The following OPCML variants were observed in gnomAD, a reference collection of about 807,000 sequenced individuals.
The protein encoded by OPCML is opioid-binding protein/cell adhesion molecule.
OPCML carries 13 observed loss-of-function variants against 37.8 expected under a neutral mutation model. The ratio of observed to expected loss-of-function variants is 0.34; its 90% confidence interval spans 0.22 to 0.55. The LOEUF (loss-of-function observed/expected upper bound fraction) is 0.55. OPCML is among the 20% of genes least tolerant of loss of function. The pLI is 0.91. For synonymous variants in OPCML, 176 were observed against 168.8 expected, an observed-to-expected ratio of 1.04 and a Z score of -0.33; for missense variants, 341 against 435.6, an observed-to-expected ratio of 0.78 and a Z score of 1.93.
intron 1 of OPCML, among the ~76,000 whole-genome samples, chr11:133,219,144 A>G (rs1939708510): frequency 6.6e-6 from 1 of 152,200 alleles, no homozygotes; most frequent in Non-Finnish European, 1.5e-5. Flanking sequence ...ATATGCAAGC[A>G]TGACTGGGGA....
At chr11:132,634,352 C>A (rs1242145936) in intron 3 of OPCML, among the ~76,000 whole-genome samples, 3 of 152,184 alleles carry the variant, frequency 2.0e-5, no homozygotes, top group Non-Finnish European at 4.4e-5. Context: ...AAAATTTCCA[C>A]AAGGAACATC....
intron 3 of OPCML, among the ~76,000 whole-genome samples, chr11:132,629,802 C>T (rs1939981191): frequency 6.6e-6 from 1 of 151,788 alleles, no homozygotes; most frequent in African/African-American, 2.4e-5. Flanking sequence ...ACATGTCAAG[C>T]AGATAATTAA....
At chr11:132,925,030 C>T (rs1255726875) in intron 2 of OPCML, among the ~76,000 whole-genome samples, 1 of 152,182 alleles carries the variant, frequency 6.6e-6, no homozygotes, top group African/African-American at 2.4e-5. Flanking sequence ...TGATTCTCTC[C>T]TCAGTTGTGT....
At chr11:132,915,819 CT>C (rs1565960951) in intron 2 of OPCML, among the ~76,000 whole-genome samples, 1 of 152,188 alleles carries the variant, frequency 6.6e-6, no homozygotes, top group East Asian at 1.9e-4. Flanking sequence ...AGTAATTTAT[CT>C]TTTTTTGGTG....
At chr11:132,795,825 A>T (rs1156797714) in intron 2 of OPCML, among the ~76,000 whole-genome samples, 1 of 152,208 alleles carries the variant, frequency 6.6e-6, no homozygotes, top group East Asian at 1.9e-4. Context: ...AATGGCATTG[A>T]ACTGACTTAG....
intron 1 of OPCML, chr11:133,007,864 G>C (rs1276338737): frequency 1.0e-6 from 1 of 985,446 alleles, no homozygotes; most frequent in Non-Finnish European, 1.2e-6. Flanking sequence ...TAGAACAAAA[G>C]ATTGTGGGGA....
chr11:132,595,431 G>A (rs1000292038), intron 3 of OPCML, among the ~76,000 whole-genome samples: 8 of 152,144 alleles, frequency 5.3e-5, no homozygotes, highest in African/African-American at 1.9e-4. Flanking sequence ...CCTCTCTGCT[G>A]TTACCTGTCT....
At chr11:133,367,398 A>G (rs2136740813) in intron 1 of OPCML, among the ~76,000 whole-genome samples, 1 of 152,312 alleles carries the variant, frequency 6.6e-6, no homozygotes, top group South Asian at 2.1e-4. Flanking sequence ...GAGGGCAGAA[A>G]TGGTTCTTCA....
chr11:133,372,536 C>G (rs1288417211), intron 1 of OPCML, among the ~76,000 whole-genome samples: 1 of 152,124 alleles, frequency 6.6e-6, no homozygotes, highest in Non-Finnish European at 1.5e-5. Flanking sequence ...TATTTAACTT[C>G]AATGAAGCTT....
intron 1 of OPCML, among the ~76,000 whole-genome samples, chr11:133,340,300 G>C (rs1943835742): frequency 6.6e-6 from 1 of 152,114 alleles, no homozygotes; most frequent in Non-Finnish European, 1.5e-5. Flanking sequence ...GTGGAATGCT[G>C]ACCAGTTGTG....
intron 1 of OPCML, among the ~76,000 whole-genome samples, chr11:133,133,236 G>A (rs1949632753): frequency 6.6e-6 from 1 of 152,092 alleles, no homozygotes; most frequent in Non-Finnish European, 1.5e-5. Flanking sequence ...AGGCCCCTGG[G>A]TGGCAGGGCG....
At chr11:132,985,772 A>C (rs1312205591) in intron 1 of OPCML, among the ~76,000 whole-genome samples, 2 of 151,958 alleles carry the variant, frequency 1.3e-5, no homozygotes, top group East Asian at 3.9e-4. Context: ...GGCCTATCAC[A>C]CCTCCGTATT....
intron 3 of OPCML, among the ~76,000 whole-genome samples, chr11:132,631,352 CATATATAT>C (rs61450463): frequency 0.28 from 39,826 of 142,646 alleles, 6,737 homozygotes; most frequent in Non-Finnish European, 0.39. Flanking sequence ...ACCATATATA[CATATATAT>C]ATATATATAT....
At chr11:132,875,438 C>T (rs1186116822) in intron 2 of OPCML, among the ~76,000 whole-genome samples, 3 of 151,842 alleles carry the variant, frequency 2.0e-5, no homozygotes, top group African/African-American at 7.3e-5. Context: ...TGTATCCATC[C>T]ATCTGCCAAT....
At chr11:133,273,299 G>C (rs1941903092) in intron 1 of OPCML, among the ~76,000 whole-genome samples, 1 of 152,120 alleles carries the variant, frequency 6.6e-6, no homozygotes, top group Non-Finnish European at 1.5e-5. Flanking sequence ...CAGGCCTCTG[G>C]ACTGCAAAAG....
intron 2 of OPCML, among the ~76,000 whole-genome samples, chr11:132,861,958 T>C (rs754748303): frequency 2.6e-5 from 4 of 152,196 alleles, no homozygotes; most frequent in Admixed American, 6.5e-5. Flanking sequence ...AGTCTTTTTG[T>C]TTTCCTTTAA....
At chr11:133,413,648 A>G (rs1366933755) in intron 1 of OPCML, among the ~76,000 whole-genome samples, 3 of 152,166 alleles carry the variant, frequency 2.0e-5, no homozygotes, top group South Asian at 2.1e-4. Flanking sequence ...CAGCTGATAG[A>G]AAACTGGGAA....
At chr11:133,508,976 G>A (rs1010164148) in intron 1 of OPCML, among the ~76,000 whole-genome samples, 10 of 147,612 alleles carry the variant, frequency 6.8e-5, no homozygotes, top group Admixed American at 2.0e-4. Flanking sequence ...ATATAAGTTC[G>A]TTTTTTTTTT....
At chr11:133,502,298 GC>G (rs1166791955) in intron 1 of OPCML, among the ~76,000 whole-genome samples, 1 of 152,110 alleles carries the variant, frequency 6.6e-6, no homozygotes, top group African/African-American at 2.4e-5. Flanking sequence ...CCCCTCTCCT[GC>G]CCCCACCCTG....
Sources: gnomAD v4.1 joint callset for allele counts (sites outside exome capture counted in the v4.1 genomes callset) on GRCh38, gnomAD v4.1.1 for gene constraint, MANE v1.5 for transcripts, NCBI Gene and HGNC (gene_info 2026-07-23, HGNC 2026-07-21) for gene names.